RAB9B: variants seen among roughly 807,000 people sequenced by gnomAD.
RAB9B encodes the protein ras-related protein Rab-9B.
In RAB9B, 1 loss-of-function variant was observed where a neutral mutation model predicts 8.9. The observed-to-expected ratio is 0.11, with a 90% CI of 0.04 to 0.53. The LOEUF (loss-of-function observed/expected upper bound fraction) is 0.53, where lower values mean the gene tolerates loss of function less well. Among genes scored for constraint, RAB9B ranks in the 20% least tolerant of loss-of-function variants. The pLI, the probability that RAB9B is intolerant of heterozygous loss-of-function variation, is 0.93. For synonymous variants in RAB9B, 63 were observed against 57.0 expected (o/e 1.10, Z -0.47); for missense variants, 82 against 152.9 (o/e 0.54, Z 2.45).
chrX:103,787,938 C>A, the RAB9B span: 24 of 1,208,998 alleles, frequency 2.0e-5, no homozygotes, highest in Middle Eastern at 1.1e-3. Flanking sequence ...CCAGTATAGG[C>A]AGTCTCTGTG....
the RAB9B span, among the ~76,000 whole-genome samples, chrX:103,784,680 A>G: frequency 8.9e-6 from 1 of 112,285 alleles, no homozygotes; most frequent in South Asian, 3.7e-4. Context: ...TGACAATACC[A>G]GCATCTCTGG....
chrX:103,789,279 G>C, the RAB9B span: 1 of 837,638 alleles, frequency 1.2e-6, no homozygotes, highest in Non-Finnish European at 1.8e-6. Context: ...ATTTACAGTG[G>C]AGCATATTAC....
At chrX:103,783,475 G>T in the RAB9B span, among the ~76,000 whole-genome samples, 1 of 112,199 alleles carries the variant, frequency 8.9e-6, no homozygotes, top group South Asian at 3.7e-4. Flanking sequence ...CATCTTTGGT[G>T]TGACACTCTT....
At chrX:103,805,316 G>A in the RAB9B span, among the ~76,000 whole-genome samples, 1 of 111,800 alleles carries the variant, frequency 8.9e-6, no homozygotes, top group Non-Finnish European at 1.9e-5. Context: ...ATGTGAACCA[G>A]GTTTGCATTT....
In RAB9B at chrX:103,822,763, C is replaced by T. The variant is rs2074666669; in HGVS notation, c.*2416G>A. ...GTTCTTGGTACTCACAGATTTCAGC[C>T]TTTGGTGTTTTTTAATCTTACCCAA... On this transcript the variant is annotated 3_prime_UTR_variant, in exon 3 of 3. Coordinates refer to ENST00000243298, the MANE Select transcript of RAB9B (RefSeq NM_016370.4). 9.0e-6 allele frequency: 1 copy of T among 111,516 alleles called. No homozygotes were observed. The highest frequency in any genetic ancestry group is 3.3e-5 in the African/African-American group (1 of 30,698). 9.2% of individuals were successfully genotyped at this position (111,516 alleles called of 1,213,427 possible).
At chrX:103,829,263 A>C (rs767087897) in intron 1 of RAB9B, among the ~76,000 whole-genome samples, 3 of 111,564 alleles carry the variant, frequency 2.7e-5, no homozygotes, top group Non-Finnish European at 5.7e-5. Context: ...TGCATATGGC[A>C]CAGAATCTCA....
rs1463863976 is a variant in RAB9B at position 103,822,946 on chromosome X, T to C, written c.*2233A>G. The C allele has an allele frequency of 9.0e-6, 1 of 111,266 alleles. No individual in the cohort carries two copies. The highest frequency in any genetic ancestry group is 9.6e-5 in the Admixed American group (1 of 10,408). 9.2% of individuals were successfully genotyped at this position (111,266 alleles called of 1,213,427 possible). ...GCTCCAGCTGATGGGCCAATAAAAT[T>C]AACACTTGTCTTAGATGGACAGGAT... On this transcript the variant is annotated 3_prime_UTR_variant, in exon 3 of 3. Transcript: ENST00000243298.
the RAB9B span, among the ~76,000 whole-genome samples, chrX:103,801,450 G>A: frequency 3.0e-3 from 330 of 111,210 alleles, no homozygotes; most frequent in African/African-American, 0.01. Flanking sequence ...TCTGCACTCT[G>A]TCCACCTTAC....
the RAB9B span, among the ~76,000 whole-genome samples, chrX:103,814,639 G>A: frequency 1.8e-5 from 2 of 111,378 alleles, no homozygotes; most frequent in Non-Finnish European, 3.8e-5. Context: ...AAAAATCAAT[G>A]AATCCAGGAG....
At chrX:103,812,527 C>T in the RAB9B span, among the ~76,000 whole-genome samples, 1 of 111,955 alleles carries the variant, frequency 8.9e-6, no homozygotes, top group African/African-American at 3.2e-5. Context: ...AATTTTAAAT[C>T]AGACTTTTAA....
At chrX:103,803,320 A>G in the RAB9B span, among the ~76,000 whole-genome samples, 1 of 112,313 alleles carries the variant, frequency 8.9e-6, no homozygotes, top group Non-Finnish European at 1.9e-5. Flanking sequence ...TCCAATAACA[A>G]TGTATGAAGG....
At chrX:103,812,358 C>T in the RAB9B span, among the ~76,000 whole-genome samples, 2 of 111,536 alleles carry the variant, frequency 1.8e-5, no homozygotes, top group Non-Finnish European at 3.8e-5. Flanking sequence ...ACACCAATTT[C>T]CACAGTTCAT....
chrX:103,796,687 C>G, the RAB9B span, among the ~76,000 whole-genome samples: 57 of 108,796 alleles, frequency 5.2e-4, 1 homozygote, highest in Admixed American at 4.3e-3. Context: ...TCAGTTTACA[C>G]ATGAGCATGT....
At chrX:103,794,220 C>T in the RAB9B span, among the ~76,000 whole-genome samples, 1 of 111,486 alleles carries the variant, frequency 9.0e-6, no homozygotes, top group Admixed American at 9.5e-5. Flanking sequence ...CATCTGAATT[C>T]TCCCCTCAGT....
the RAB9B span, among the ~76,000 whole-genome samples, chrX:103,798,951 AT>A: frequency 9.2e-6 from 1 of 109,039 alleles, no homozygotes; most frequent in Non-Finnish European, 1.9e-5. Context: ...AAACTAAAAT[AT>A]TTTTACAAAT....
chrX:103,786,392 C>T, the RAB9B span: 2 of 1,124,787 alleles, frequency 1.8e-6, no homozygotes, highest in African/African-American at 1.8e-5. Flanking sequence ...GTATACCTCA[C>T]TTATGTCGGG....
chrX:103,795,893 C>T, the RAB9B span, among the ~76,000 whole-genome samples: 2 of 111,861 alleles, frequency 1.8e-5, no homozygotes, highest in African/African-American at 6.5e-5. Context: ...AAAAATTTGT[C>T]ATTTTCAGTA....
At chrX:103,820,969 CACACACACACACAT>C (rs762126166), downstream of RAB9B, among the ~76,000 whole-genome samples, 3,197 of 57,690 alleles carry the variant, frequency 0.055, 101 homozygotes, top group Admixed American at 0.11. Context: ...CACACACACA[CACACACACACACAT>C]ACACACACAC....
the RAB9B span, chrX:103,781,056 G>T: frequency 3.7e-5 from 7 of 191,371 alleles, no homozygotes; most frequent in Non-Finnish European, 7.1e-5. Flanking sequence ...CCCTTTGTCA[G>T]CTGGATTCAA....
Sources: gnomAD v4.1 joint callset for allele counts (sites outside exome capture counted in the v4.1 genomes callset) on GRCh38, gnomAD v4.1.1 for gene constraint, MANE v1.5 for transcripts, NCBI Gene and HGNC (gene_info 2026-07-23, HGNC 2026-07-21) for gene names.